IL16: variants seen among roughly 807,000 people sequenced by gnomAD.
The protein encoded by IL16 is pro-interleukin-16.
In IL16, 67 loss-of-function variants were observed where a neutral mutation model predicts 110.1. The observed-to-expected ratio is 0.61, with a 90% CI of 0.50 to 0.75. The LOEUF is 0.75. IL16 is among the 30% of genes least tolerant of loss of function. The probability of loss-of-function intolerance (pLI) is 0.00; values close to 1 mark genes in which losing one functional copy is unlikely to be tolerated. For synonymous variants in IL16, 689 were observed against 662.9 expected (o/e 1.04, Z -0.61); for missense variants, 1,545 against 1,655.0 (o/e 0.93, Z 1.15).
intron 1 of IL16, among the ~76,000 whole-genome samples, chr15:81,186,851 T>G (rs1895426693): frequency 6.6e-6 from 1 of 152,026 alleles, no homozygotes; most frequent in African/African-American, 2.4e-5. Context: ...AGAGATGAAG[T>G]CTTACTATGT....
In IL16 at chr15:81,292,935, A is replaced by G. The variant is rs1442011407; in HGVS notation, c.1800A>G (p.Pro600=). 3.7e-6 allele frequency: 6 copies of G among 1,614,070 alleles called. No individual in the cohort carries two copies. In the African/African-American group the frequency reaches 6.7e-5, roughly 18 times the overall value. The change falls in exon 12 of 19, where the codon CCA becomes CCG. Residue 600 remains proline (P), a synonymous_variant. Coordinates refer to ENST00000683961, the MANE Select transcript of IL16 (RefSeq NM_172217.5). ...CTATGTCCTCCAAGCCCAAGCCTCC[A>G]CCCAGAAAATACTTTAAAAGTGACA... ...RKPMSSKPKP[P]PRKYFKSDSD...
chr15:81,232,899 CT>C (rs1277648989), intron 2 of IL16, among the ~76,000 whole-genome samples: 1 of 152,124 alleles, frequency 6.6e-6, no homozygotes, highest in Non-Finnish European at 1.5e-5. Flanking sequence ...AATACTTTCT[CT>C]TTTCCATTTT....
intron 1 of IL16, among the ~76,000 whole-genome samples, chr15:81,199,924 A>G (rs561330806): frequency 2.0e-5 from 3 of 152,224 alleles, no homozygotes; most frequent in Non-Finnish European, 4.4e-5. Flanking sequence ...ACATATGACA[A>G]GATTCAGTGG....
rs2142361124 is a variant in IL16 at position 81,292,537 on chromosome 15, T to C, written c.1421-19T>C. 1 of 1,610,394 alleles carries C rather than the reference T, an allele frequency of 6.2e-7. No individual in the cohort carries two copies. The highest frequency in any genetic ancestry group is 8.5e-7 in the Non-Finnish European group (1 of 1,177,300). The stretch of plus-strand genomic sequence containing the variant: ...TTCTGAAGCTCAGCTGTGAAGATTC[T>C]CTTGTGCTTCCCACACAGGTGTCAA... On this transcript the variant is annotated intron_variant, in intron 11 of 18. Transcript: ENST00000683961.
At chr15:81,273,663 A>T (rs1898760330) in intron 6 of IL16, among the ~76,000 whole-genome samples, 1 of 152,068 alleles carries the variant, frequency 6.6e-6, no homozygotes, top group Non-Finnish European at 1.5e-5. Context: ...CTTGTAACGG[A>T]TGAGTCTGAT....
At chr15:81,284,437 G>A (rs897285203) in intron 9 of IL16, among the ~76,000 whole-genome samples, 1 of 152,184 alleles carries the variant, frequency 6.6e-6, no homozygotes, top group Non-Finnish European at 1.5e-5. Context: ...CTGGTTTGTG[G>A]CACATACTGC....
At chr15:81,281,766 A>G (rs1899191801) in intron 8 of IL16, among the ~76,000 whole-genome samples, 1 of 152,208 alleles carries the variant, frequency 6.6e-6, no homozygotes, top group African/African-American at 2.4e-5. Flanking sequence ...TTTATTTGTT[A>G]AGTTTCTATA....
intron 12 of IL16, chr15:81,295,473 A>C (rs1354958331): frequency 7.8e-7 from 1 of 1,289,738 alleles, no homozygotes; most frequent in Non-Finnish European, 1.0e-6. Context: ...AAAAGAGCTA[A>C]CAATTCATGA....
rs574544853 is a variant in IL16 at position 81,200,651 on chromosome 15, G to A, written c.-102+3499G>A. Among the ~76,000 whole-genome samples the A allele has an allele frequency of 7.2e-5, 11 of 152,290 alleles. No individual in the cohort carries two copies. In the South Asian group the frequency reaches 1.7e-3, roughly 23 times the overall value. The stretch of plus-strand genomic sequence containing the variant: ...CTCCCAAAGTGCTGGAATTAAAGTC[G>A]TGAGCCACCATGCCTAGCCTAGGTC... On this transcript the variant is annotated intron_variant, in intron 1 of 18. Transcript: ENST00000683961.
rs780788104 is a variant in IL16 at position 81,300,523 on chromosome 15, TTTCTC to T, written c.3149+49_3149+53del. ...TCTCTTTACCTTTCTCATCTTTTTCTTTCTCATCTTTATTTTTAAAAATAATCCTA... is the reference window on the plus strand; with the variant it reads ...TCTCTTTACCTTTCTCATCTTTTTCTATCTTTATTTTTAAAAATAATCCTA... On this transcript the variant is annotated intron_variant, in intron 14 of 18. Coordinates refer to ENST00000683961, the MANE Select transcript of IL16 (RefSeq NM_172217.5). 8 of 1,219,162 alleles carry T rather than the reference TTTCTC, an allele frequency of 6.6e-6. No homozygotes were observed. The South Asian group carries it at 1.1e-4, about 17-fold the overall frequency. The allele number at this position is 1,219,162 out of a possible 1,614,324, so 75.5% of individuals were successfully genotyped here. A position where few individuals can be genotyped will look rare whatever the true frequency, so the allele number is the denominator to read the frequency against.
chr15:81,190,561 C>A (rs1004848991), intron 1 of IL16, among the ~76,000 whole-genome samples: 49 of 152,232 alleles, frequency 3.2e-4, no homozygotes, highest in African/African-American at 1.2e-3. Context: ...AAGGGGAAAT[C>A]ATTATGGTAC....
chr15:81,210,196 G>C (rs1234099449), intron 1 of IL16, among the ~76,000 whole-genome samples: 1 of 152,144 alleles, frequency 6.6e-6, no homozygotes, highest in Non-Finnish European at 1.5e-5. Flanking sequence ...TTTTATTTCT[G>C]AGTTTTGTAT....
At chr15:81,262,713 C>G (rs1898205826) in intron 3 of IL16, among the ~76,000 whole-genome samples, 1 of 152,182 alleles carries the variant, frequency 6.6e-6, no homozygotes, top group Admixed American at 6.5e-5. Context: ...GGGTGGATCA[C>G]CTGAGGTCAG....
intron 2 of IL16, among the ~76,000 whole-genome samples, chr15:81,232,452 C>T (rs1236580246): frequency 5.3e-5 from 8 of 152,050 alleles, no homozygotes; most frequent in Non-Finnish European, 8.8e-5. Context: ...TATGTCTGTA[C>T]ATATGATGTT....
chr15:81,269,374 T>G (rs1898530545), intron 4 of IL16, among the ~76,000 whole-genome samples, 164 bp from the exon 5 acceptor site: 1 of 152,152 alleles, frequency 6.6e-6, no homozygotes. Flanking sequence ...CCCACCATAA[T>G]CCTACCCACA....
At chr15:81,270,897 G>A (rs1268345356) in intron 5 of IL16, among the ~76,000 whole-genome samples, 1 of 152,148 alleles carries the variant, frequency 6.6e-6, no homozygotes, top group Non-Finnish European at 1.5e-5. Context: ...AATAAAGCAG[G>A]CTTCCCACTA....
intron 2 of IL16, among the ~76,000 whole-genome samples, chr15:81,232,434 A>T (rs1447384336): frequency 6.6e-6 from 1 of 152,064 alleles, no homozygotes; most frequent in African/African-American, 2.4e-5. Flanking sequence ...GGAAAGTTTC[A>T]TTATTATTAT....
At chr15:81,262,100 A>G (rs1898181602) in intron 3 of IL16, among the ~76,000 whole-genome samples, 1 of 152,158 alleles carries the variant, frequency 6.6e-6, no homozygotes, top group Non-Finnish European at 1.5e-5. Context: ...AAACATTCAT[A>G]CAGGTGAAGT....
chr15:81,293,022 A>C lies in IL16; in HGVS notation c.1887A>C (p.Pro629=). Residue 629 remains proline, a synonymous_variant, in exon 12 of 19, where the codon CCA becomes CCC. Transcript: ENST00000683961. The part of the protein sequence containing the change: ...ENSSCSSGHT[P]PTCGQEAREL... ...CCTCATGCTCTTCTGGGCACACCCC[A>C]CCCACCTGTGGCCAGGTAAGAGGAT... The C allele has an allele frequency of 6.2e-7, 1 of 1,606,916 alleles. No homozygotes were observed. Among genetic ancestry groups the C allele is most frequent in the Non-Finnish European group, 8.5e-7 (1 of 1,178,582 alleles).
Sources: allele counts gnomAD v4.1 joint callset (sites outside exome capture counted in the v4.1 genomes callset), GRCh38; gene constraint gnomAD v4.1.1; transcripts MANE v1.5; gene names NCBI Gene and HGNC (gene_info 2026-07-23, HGNC 2026-07-21).